Variants in FAT3 observed in about 807,000 individuals in gnomAD.
The protein encoded by FAT3 is protocadherin Fat 3.
Under a neutral mutation model 310.2 loss-of-function variants are expected in FAT3, and 95 were observed. That is an observed-to-expected ratio of 0.31 (90% CI 0.26 to 0.36). The LOEUF (loss-of-function observed/expected upper bound fraction) is 0.36, where lower values mean the gene tolerates loss of function less well. Ranked by LOEUF, FAT3 falls within the 10% of genes least tolerant of loss-of-function variation. The pLI, the probability that FAT3 is intolerant of heterozygous loss-of-function variation, is 1.00. For synonymous variants in FAT3, 2,314 were observed against 2,192.9 expected (o/e 1.06, Z -1.54); for missense variants, 5,408 against 5,715.6 (o/e 0.95, Z 1.74).
At chr11:92,863,641 T>C (rs541121635) in intron 21 of FAT3, among the ~76,000 whole-genome samples, 1 of 152,320 alleles carries the variant, frequency 6.6e-6, no homozygotes, top group Non-Finnish European at 1.5e-5. Flanking sequence ...TTCTTACAGT[T>C]TCATGCACAC....
chr11:92,819,952 C>T (rs532984737), intron 13 of FAT3, among the ~76,000 whole-genome samples: 1 of 152,248 alleles, frequency 6.6e-6, no homozygotes, highest in South Asian at 2.1e-4. Flanking sequence ...AAGATAACCC[C>T]AGTGATTCCC....
intron 3 of FAT3, among the ~76,000 whole-genome samples, chr11:92,590,627 A>G (rs1939376530): frequency 6.6e-6 from 1 of 152,176 alleles, no homozygotes; most frequent in South Asian, 2.1e-4. Flanking sequence ...TAGAGAAACA[A>G]GTACTTAAAA....
chr11:92,413,885 C>T (rs1222854442), intron 2 of FAT3, among the ~76,000 whole-genome samples: 3 of 152,126 alleles, frequency 2.0e-5, no homozygotes, highest in Admixed American at 6.6e-5. Flanking sequence ...ACGAAACAGA[C>T]ACAGTTTTAT....
chr11:92,558,806 A>G (rs1249965363), intron 3 of FAT3, among the ~76,000 whole-genome samples: 8 of 152,132 alleles, frequency 5.3e-5, no homozygotes, highest in Non-Finnish European at 8.8e-5. Flanking sequence ...CCAGGGGTCC[A>G]ATTCTTTACC....
At chr11:92,239,956 A>G (rs991383812) in intron 1 of FAT3, among the ~76,000 whole-genome samples, 16 of 152,144 alleles carry the variant, frequency 1.1e-4, no homozygotes, top group Admixed American at 1.0e-3. Flanking sequence ...CATTGCCTGA[A>G]GTAGATTCAT....
intron 2 of FAT3, among the ~76,000 whole-genome samples, chr11:92,424,925 AT>A (rs760301028): frequency 6.6e-6 from 1 of 151,894 alleles, no homozygotes; most frequent in Non-Finnish European, 1.5e-5. Context: ...CCTTTCTGTG[AT>A]TTTTTTTAAG....
At chr11:92,845,364 A>G (rs965118612) in intron 19 of FAT3, among the ~76,000 whole-genome samples, 1 of 152,190 alleles carries the variant, frequency 6.6e-6, no homozygotes, top group Non-Finnish European at 1.5e-5. Flanking sequence ...AATGGATTAG[A>G]GGAGGCCAGG....
chr11:92,825,942 G>A (rs954778293), intron 13 of FAT3, among the ~76,000 whole-genome samples: 1 of 152,080 alleles, frequency 6.6e-6, no homozygotes, highest in African/African-American at 2.4e-5. Flanking sequence ...ATGTGAGAGA[G>A]GAAGTTAGAA....
intron 2 of FAT3, among the ~76,000 whole-genome samples, chr11:92,476,693 A>G (rs766631773): frequency 5.3e-5 from 8 of 152,174 alleles, no homozygotes; most frequent in Non-Finnish European, 1.2e-4. Flanking sequence ...AAACGAAGAC[A>G]CTCAGAGTGC....
intron 3 of FAT3, among the ~76,000 whole-genome samples, chr11:92,638,063 T>C (rs1037462317): frequency 2.0e-5 from 3 of 152,208 alleles, no homozygotes; most frequent in African/African-American, 7.2e-5. Context: ...ATCACAGTCA[T>C]GTGGAAGTCT....
intron 7 of FAT3, among the ~76,000 whole-genome samples, chr11:92,779,406 G>A (rs975644753): frequency 2.6e-5 from 4 of 151,934 alleles, no homozygotes; most frequent in Non-Finnish European, 5.9e-5. Flanking sequence ...AAAGCCTACT[G>A]GAATCATGGT....
chr11:92,481,154 A>G (rs1182216611), intron 2 of FAT3, among the ~76,000 whole-genome samples: 1 of 152,222 alleles, frequency 6.6e-6, no homozygotes, highest in African/African-American at 2.4e-5. Context: ...GTGAGTATGC[A>G]TTGCAAGGAA....
At chr11:92,466,828 C>A (rs370210373) in intron 2 of FAT3, among the ~76,000 whole-genome samples, 183 of 147,140 alleles carry the variant, frequency 1.2e-3, no homozygotes, top group African/African-American at 4.3e-3. Context: ...TGAGAACATG[C>A]GGTGTTTGGT....
chr11:92,780,920 A>G (rs75482993), intron 7 of FAT3, among the ~76,000 whole-genome samples: 3,026 of 152,272 alleles, frequency 0.02, 55 homozygotes, highest in Non-Finnish European at 0.032. Flanking sequence ...TGCCAAATCA[A>G]TCTGAGTTAC....
At position 92,831,406 on chromosome 11, in the gene FAT3, G is replaced by A. The variant is rs906886455; in HGVS notation, c.9482-216G>A. ...GAATATCCAACTATTTCTGATATTTGTTGCCAGTATTTTCCCAGTTTCTTT... is the reference window on the plus strand; with the variant it reads ...GAATATCCAACTATTTCTGATATTTATTGCCAGTATTTTCCCAGTTTCTTT... On this transcript the variant is annotated intron_variant, in intron 13 of 27. Transcript: ENST00000525166. 1.4e-4 allele frequency among the ~76,000 whole-genome samples: 21 copies of A among 152,200 alleles called. 1 individual carries two copies. Among genetic ancestry groups the A allele is most frequent in the African/African-American group, 5.1e-4 (21 of 41,528 alleles).
intron 2 of FAT3, among the ~76,000 whole-genome samples, chr11:92,450,586 G>C (rs1021006344): frequency 6.6e-5 from 10 of 152,204 alleles, no homozygotes; most frequent in Non-Finnish European, 4.4e-5. Context: ...TTATGGAGGA[G>C]TGGGAGGAAT....
At chr11:92,368,845 T>TATATATATATATATATATATATATATAC (rs1196442457) in intron 2 of FAT3, among the ~76,000 whole-genome samples, 8 of 145,896 alleles carry the variant, frequency 5.5e-5, no homozygotes, top group African/African-American at 2.1e-4. Flanking sequence ...TATATATATA[T>TATATATATATATATATATATATATATAC]ATACACACAT....
chr11:92,630,887 G>A (rs972236562), intron 3 of FAT3, among the ~76,000 whole-genome samples: 4 of 152,194 alleles, frequency 2.6e-5, no homozygotes, highest in African/African-American at 7.2e-5. Flanking sequence ...AGCATTCATG[G>A]TAGGTGATCA....
intron 1 of FAT3, among the ~76,000 whole-genome samples, chr11:92,292,457 G>A (rs147390279): frequency 5.3e-5 from 8 of 152,148 alleles, no homozygotes; most frequent in African/African-American, 1.9e-4. Context: ...GCTTTTGTTT[G>A]TGAGGAAACT....
Sources: gnomAD v4.1 joint callset for allele counts (sites outside exome capture counted in the v4.1 genomes callset) on GRCh38, gnomAD v4.1.1 for gene constraint, MANE v1.5 for transcripts, NCBI Gene and HGNC (gene_info 2026-07-23, HGNC 2026-07-21) for gene names.